Variants in INSYN2A observed in about 807,000 individuals in gnomAD.
INSYN2A encodes family with sequence similarity 196 member A.
Under a neutral mutation model 39.4 loss-of-function variants are expected in INSYN2A, and 17 were observed. That is an observed-to-expected ratio of 0.43 (90% CI 0.30 to 0.65). The LOEUF (loss-of-function observed/expected upper bound fraction) is 0.65, where lower values mean the gene tolerates loss of function less well. INSYN2A is among the 30% of genes least tolerant of loss of function. The probability of loss-of-function intolerance (pLI) is 0.14; values close to 1 mark genes in which losing one functional copy is unlikely to be tolerated. For synonymous variants in INSYN2A, 255 were observed against 265.7 expected (o/e 0.96, Z 0.39); for missense variants, 595 against 631.2 (o/e 0.94, Z 0.61).
At position 127,137,585 on chromosome 10, in the gene INSYN2A, A is replaced by G. The variant is rs2050810530; in HGVS notation, c.*252T>C. The stretch of plus-strand genomic sequence containing the variant: ...AAATTTTTACTTATCATCTTTGACT[A>G]CGTAAGTTTCATTTCAGATTTTACA... On this transcript the variant is annotated 3_prime_UTR_variant, in exon 6 of 6. Coordinates refer to ENST00000522781, the MANE Select transcript of INSYN2A (RefSeq NM_001039762.3). 1 of 390,822 alleles carries G rather than the reference A, an allele frequency of 2.6e-6. No homozygotes were observed. Among genetic ancestry groups the G allele is most frequent in the Admixed American group, 4.1e-5 (1 of 24,210 alleles). The allele number at this position is 390,822 out of a possible 1,614,324, so 24.2% of individuals were successfully genotyped here. A position where few individuals can be genotyped will look rare whatever the true frequency, so the allele number is the denominator to read the frequency against.
intron 5 of INSYN2A, among the ~76,000 whole-genome samples, chr10:127,140,463 C>G (rs962042435): frequency 1.3e-5 from 2 of 152,188 alleles, no homozygotes; most frequent in Admixed American, 1.3e-4. Flanking sequence ...GCCCATCTCC[C>G]CATCTGTCAC....
chr10:127,162,135 T>C (rs1014008732), intron 4 of INSYN2A, among the ~76,000 whole-genome samples: 2 of 152,224 alleles, frequency 1.3e-5, no homozygotes, highest in African/African-American at 4.8e-5. Flanking sequence ...CCTGCAGATA[T>C]ATGTCAGGTG....
At chr10:127,171,503 A>G (rs1323786613) in intron 4 of INSYN2A, among the ~76,000 whole-genome samples, 1 of 152,088 alleles carries the variant, frequency 6.6e-6, no homozygotes, top group Non-Finnish European at 1.5e-5. Context: ...AAGATTTGTC[A>G]CTTGTATTCA....
intron 4 of INSYN2A, among the ~76,000 whole-genome samples, chr10:127,169,684 A>G (rs1564862550): frequency 6.6e-6 from 1 of 152,118 alleles, no homozygotes; most frequent in Non-Finnish European, 1.5e-5. Context: ...GTCAATATGT[A>G]TTTACTATTT....
intron 2 of INSYN2A, among the ~76,000 whole-genome samples, chr10:127,182,859 G>T: frequency 6.6e-6 from 1 of 152,076 alleles, no homozygotes; most frequent in East Asian, 1.9e-4. Context: ...CTTTAGTTAC[G>T]ATAGCAGGTG....
chr10:127,140,752 G>A (rs1407815539), intron 5 of INSYN2A, among the ~76,000 whole-genome samples: 1 of 152,002 alleles, frequency 6.6e-6, no homozygotes, highest in Non-Finnish European at 1.5e-5. Flanking sequence ...GGCTGACATC[G>A]AACAAAGGTC....
intron 5 of INSYN2A, among the ~76,000 whole-genome samples, chr10:127,151,922 C>G (rs1240713420): frequency 6.6e-6 from 1 of 152,154 alleles, no homozygotes; most frequent in Non-Finnish European, 1.5e-5. Flanking sequence ...CTTATTCAGT[C>G]ACTTTTAATG....
chr10:127,183,381 A>G (rs1160060027), intron 2 of INSYN2A, among the ~76,000 whole-genome samples: 3 of 152,156 alleles, frequency 2.0e-5, no homozygotes, highest in Non-Finnish European at 4.4e-5. Flanking sequence ...TTGTATTTTC[A>G]TCGTAGTATG....
At chr10:127,138,079 C>T (rs778448557) in intron 5 of INSYN2A, 59 bp from the exon 6 acceptor site, 159 of 1,457,262 alleles carry the variant, frequency 1.1e-4, no homozygotes, top group Non-Finnish European at 1.4e-4. Context: ...GAAGATCCCT[C>T]TTAGTGTCAG....
At chr10:127,188,502 C>G (rs969995719) in intron 2 of INSYN2A, among the ~76,000 whole-genome samples, 2 of 152,132 alleles carry the variant, frequency 1.3e-5, no homozygotes, top group Admixed American at 6.5e-5. Flanking sequence ...TGAGACCAGT[C>G]ATTCGTACAT....
intron 5 of INSYN2A, among the ~76,000 whole-genome samples, chr10:127,144,614 A>G (rs1031214176): frequency 6.6e-6 from 1 of 152,362 alleles, no homozygotes; most frequent in Middle Eastern, 3.4e-3. Context: ...ATACATTTGT[A>G]TAATTCTATT....
At chr10:127,151,731 T>G (rs564964778) in intron 5 of INSYN2A, among the ~76,000 whole-genome samples, 1 of 152,340 alleles carries the variant, frequency 6.6e-6, no homozygotes, top group African/African-American at 2.4e-5. Flanking sequence ...TGCCTCGCCC[T>G]CTACCTAGTG....
chr10:127,172,505 T>G (rs550719587), intron 4 of INSYN2A, among the ~76,000 whole-genome samples: 1 of 152,296 alleles, frequency 6.6e-6, no homozygotes, highest in African/African-American at 2.4e-5. Flanking sequence ...TCCTATGTTC[T>G]GACATGGAGA....
chr10:127,176,384 C>A lies in INSYN2A; in HGVS notation c.12G>T (p.Lys4Asn). The A allele has an allele frequency of 3.1e-6, 5 of 1,605,866 alleles. No individual in the cohort carries two copies. The highest frequency in any genetic ancestry group is 4.2e-6 in the Non-Finnish European group (5 of 1,176,626). The change falls in exon 4 of 6, where the codon AAG becomes AAT. Residue 4 changes from lysine to asparagine, a missense_variant. Physicochemically the swap from Lys to Asn is moderately conservative, Grantham distance 94. Around this residue, in one of 2 missense-constraint regions of INSYN2A, gnomAD observed 478 missense variants for 467.4 expected, o/e 1.02. Transcript: ENST00000522781. This position sits in a 1 kb window ranked among gnomAD's most constrained non-coding sequence, Gnocchi z 4.4. MVS[K>N]DTGKCILTTS... The stretch of plus-strand genomic sequence containing the variant: ...TTGTGAGTATGCATTTGCCGGTGTC[C>A]TTACTGACCATGGTTCCTGCATTCA...
At chr10:127,191,601 G>T (rs1377505064) in intron 2 of INSYN2A, among the ~76,000 whole-genome samples, 1 of 152,116 alleles carries the variant, frequency 6.6e-6, no homozygotes, top group East Asian at 1.9e-4. Context: ...CATGAAGAAG[G>T]ACCATTGACA....
At chr10:127,192,853 G>C (rs1352086521) in intron 1 of INSYN2A, 123 bp from the exon 2 acceptor site, 1 of 152,172 alleles carries the variant, frequency 6.6e-6, no homozygotes, top group Non-Finnish European at 1.5e-5. Context: ...GGTCCCTATA[G>C]TTTGGTTCCT....
intron 1 of INSYN2A, among the ~76,000 whole-genome samples, chr10:127,193,490 G>A (rs979064800): frequency 1.3e-5 from 2 of 152,142 alleles, no homozygotes; most frequent in African/African-American, 4.8e-5. Flanking sequence ...TGTATCATGA[G>A]TCTCTGAGAA....
rs2050690653 is a variant in INSYN2A at position 127,136,302 on chromosome 10, A to C, written c.*1535T>G. On this transcript the variant is annotated 3_prime_UTR_variant, in exon 6 of 6. Coordinates refer to ENST00000522781, the MANE Select transcript of INSYN2A (RefSeq NM_001039762.3). The stretch of plus-strand genomic sequence containing the variant: ...AGGAGGAAAATACATGGCAAGAAGC[A>C]GCTCCAATCTGACAAAAGCAGGTGA... 1 of 152,212 alleles carries C rather than the reference A, an allele frequency of 6.6e-6. No homozygotes were observed. Among genetic ancestry groups the C allele is most frequent in the Non-Finnish European group, 1.5e-5 (1 of 68,028 alleles). 9.4% of individuals were successfully genotyped at this position (152,212 alleles called of 1,614,324 possible). A position where few individuals can be genotyped will look rare whatever the true frequency, so the allele number is the denominator to read the frequency against.
intron 5 of INSYN2A, among the ~76,000 whole-genome samples, chr10:127,141,976 C>G (rs1364309482): frequency 6.6e-6 from 1 of 152,226 alleles, no homozygotes; most frequent in African/African-American, 2.4e-5. Flanking sequence ...TTTCCGTCTT[C>G]TAGGATTCTA....
Sources: gnomAD v4.1 joint callset for allele counts (sites outside exome capture counted in the v4.1 genomes callset) on GRCh38, gnomAD v4.1.1 for gene constraint, gnomAD v4.1.1 regional missense constraint, Gnocchi (gnomAD v3.1) non-coding constraint, MANE v1.5 for transcripts, NCBI Gene and HGNC (gene_info 2026-07-23, HGNC 2026-07-21) for gene names.